The following ADAMTSL3 variants were observed in gnomAD, a reference collection of about 807,000 sequenced individuals.
ADAMTSL3 encodes ADAMTS-like protein 3.
ADAMTSL3 carries 128 observed loss-of-function variants against 201.7 expected under a neutral mutation model. The observed-to-expected ratio is 0.63, with a 90% CI of 0.55 to 0.73. The LOEUF (loss-of-function observed/expected upper bound fraction) is 0.73. Among genes scored for constraint, ADAMTSL3 ranks in the 30% least tolerant of loss-of-function variants. The pLI is 0.00. For synonymous variants in ADAMTSL3, 738 were observed against 748.4 expected (o/e 0.99, Z 0.23); for missense variants, 1,990 against 2,119.6 (o/e 0.94, Z 1.20).
intron 3 of ADAMTSL3, among the ~76,000 whole-genome samples, chr15:83,728,247 C>T (rs1345306924): frequency 6.7e-6 from 1 of 149,910 alleles, no homozygotes; most frequent in Non-Finnish European, 1.5e-5. Flanking sequence ...CTATGTGTGT[C>T]TTTATAGGCG....
At chr15:83,870,069 T>C (rs1244711193) in intron 8 of ADAMTSL3, among the ~76,000 whole-genome samples, 1 of 152,192 alleles carries the variant, frequency 6.6e-6, no homozygotes, top group African/African-American at 2.4e-5. Context: ...GTTTAAACTG[T>C]GATAAGCAAA....
chr15:83,892,345 C>T, intron 12 of ADAMTSL3, among the ~76,000 whole-genome samples: 1 of 151,608 alleles, frequency 6.6e-6, no homozygotes. Flanking sequence ...GCCTGGCCAA[C>T]ATTGTGAAAC....
chr15:83,744,760 T>G (rs1281857596), intron 3 of ADAMTSL3, among the ~76,000 whole-genome samples: 1 of 152,226 alleles, frequency 6.6e-6, no homozygotes, highest in Non-Finnish European at 1.5e-5. Flanking sequence ...TCCCCACAAA[T>G]GAGCATTAAT....
intron 24 of ADAMTSL3, among the ~76,000 whole-genome samples, chr15:84,014,953 A>AT (rs11336214): frequency 2.0e-5 from 3 of 150,152 alleles, no homozygotes; most frequent in Admixed American, 6.6e-5. Context: ...TGTGTGTGTG[A>AT]TTTTTTTTTT....
chr15:83,673,491 A>G (rs1258367492), intron 2 of ADAMTSL3, among the ~76,000 whole-genome samples: 2 of 151,880 alleles, frequency 1.3e-5, no homozygotes, highest in Non-Finnish European at 2.9e-5. Flanking sequence ...TTTTTTTTCT[A>G]TGCTGTCTGC....
At chr15:83,977,897 C>G (rs933947037) in intron 20 of ADAMTSL3, among the ~76,000 whole-genome samples, 1 of 152,242 alleles carries the variant, frequency 6.6e-6, no homozygotes, top group Non-Finnish European at 1.5e-5. Flanking sequence ...CTGGTGGCCT[C>G]CTCTCAGCCC....
chr15:83,824,526 G>T (rs368491943), intron 6 of ADAMTSL3, among the ~76,000 whole-genome samples: 116 of 152,122 alleles, frequency 7.6e-4, no homozygotes, highest in African/African-American at 2.5e-3. Flanking sequence ...CTCACTCTTG[G>T]TGTTGTAAAT....
At position 83,728,082 on chromosome 15, in the gene ADAMTSL3, C is replaced by T. The variant is rs74794300; in HGVS notation, c.189+23574C>T. Among the ~76,000 whole-genome samples the T allele has an allele frequency of 6.7e-3, 1,014 of 151,916 alleles. 12 individuals carry two copies. The highest frequency in any genetic ancestry group is 0.01 in the Middle Eastern group (3 of 294). On this transcript the variant is annotated intron_variant, in intron 3 of 29. Transcript: ENST00000286744. ...GCATACATATTTATAATTGTTATAT[C>T]CTCTTGGTGTTTTGACCTCTTTATC...
chr15:83,688,083 A>G (rs1403516252), intron 2 of ADAMTSL3, among the ~76,000 whole-genome samples: 2 of 152,222 alleles, frequency 1.3e-5, no homozygotes, highest in African/African-American at 4.8e-5. Flanking sequence ...GCAGGAGGAA[A>G]GGAATGGATG....
At chr15:83,678,032 C>T (rs2061429688) in intron 2 of ADAMTSL3, among the ~76,000 whole-genome samples, 1 of 151,954 alleles carries the variant, frequency 6.6e-6, no homozygotes, top group Non-Finnish European at 1.5e-5. Context: ...AACTTTACCA[C>T]CTCACTTAGT....
Position 83,971,385 on chromosome 15 carries a change from G to A in ADAMTSL3, c.2644+748G>A, listed in dbSNP as rs573940873. ...ATCCTGGCTAACATGGTTAAACCCC[G>A]TCTCTACTAAAAATACAAAAAATTA... On this transcript the variant is annotated intron_variant, in intron 20 of 29. Coordinates refer to ENST00000286744, the MANE Select transcript of ADAMTSL3 (RefSeq NM_207517.3). Among the ~76,000 whole-genome samples the A allele has an allele frequency of 3.3e-5, 5 of 151,808 alleles. No homozygotes were observed. The East Asian group carries it at 5.8e-4, about 18-fold the overall frequency.
intron 3 of ADAMTSL3, among the ~76,000 whole-genome samples, chr15:83,745,947 C>T (rs893978594): frequency 6.6e-6 from 1 of 152,108 alleles, no homozygotes; most frequent in African/African-American, 2.4e-5. Context: ...CCACAACAAC[C>T]CTCTATCAGT....
intron 2 of ADAMTSL3, among the ~76,000 whole-genome samples, chr15:83,664,861 TC>T (rs1223531775): frequency 6.6e-6 from 1 of 152,156 alleles, no homozygotes; most frequent in African/African-American, 2.4e-5. Flanking sequence ...GTGCTTGTAG[TC>T]CCAGCTACTT....
chr15:83,974,583 G>C (rs1254244356), intron 20 of ADAMTSL3, among the ~76,000 whole-genome samples: 1 of 152,070 alleles, frequency 6.6e-6, no homozygotes, highest in Non-Finnish European at 1.5e-5. Context: ...TGGATATTCT[G>C]TTTTGTCTTT....
intron 9 of ADAMTSL3, among the ~76,000 whole-genome samples, chr15:83,871,303 A>G (rs1024756925): frequency 6.6e-6 from 1 of 152,192 alleles, no homozygotes; most frequent in Non-Finnish European, 1.5e-5. Context: ...AGCTGCAGTC[A>G]TAGCCTTGAA....
intron 3 of ADAMTSL3, among the ~76,000 whole-genome samples, chr15:83,750,470 G>T (rs548590998): frequency 3.3e-5 from 5 of 152,280 alleles, no homozygotes; most frequent in Admixed American, 2.0e-4. Flanking sequence ...AAAAACAAAA[G>T]ATAACAAATG....
intron 3 of ADAMTSL3, among the ~76,000 whole-genome samples, chr15:83,755,219 G>A (rs2062700571): frequency 6.6e-6 from 1 of 152,000 alleles, no homozygotes; most frequent in Non-Finnish European, 1.5e-5. Context: ...ACACCTTGGT[G>A]TTGCCTGTAC....
Position 83,663,864 on chromosome 15 carries a change from C to G in ADAMTSL3, c.69+8034C>G, listed in dbSNP as rs77142809. 7.0e-3 allele frequency among the ~76,000 whole-genome samples: 1,069 copies of G among 152,360 alleles called. 8 individuals are homozygous for G. The highest frequency in any genetic ancestry group is 0.012 in the Non-Finnish European group (837 of 68,040). On this transcript the variant is annotated intron_variant, in intron 2 of 29. Transcript: ENST00000286744. ...TGGTGGGAGAATGAATGGGAGCTCT[C>G]TCCTTGTGTGTTGCCTGTGATCCCG... is the stretch of plus-strand genomic sequence containing the variant.
At chr15:83,823,500 C>A (rs1250213808) in intron 6 of ADAMTSL3, among the ~76,000 whole-genome samples, 2 of 152,136 alleles carry the variant, frequency 1.3e-5, no homozygotes, top group Non-Finnish European at 2.9e-5. Flanking sequence ...ATCATTCTTG[C>A]TTTTCTTTCA....
Sources: gnomAD v4.1 joint callset for allele counts (sites outside exome capture counted in the v4.1 genomes callset) on GRCh38, gnomAD v4.1.1 for gene constraint, MANE v1.5 for transcripts, NCBI Gene and HGNC (gene_info 2026-07-23, HGNC 2026-07-21) for gene names.